Variants in OS9 observed in about 807,000 individuals in gnomAD.
OS9 encodes the protein protein OS-9.
In OS9, 58 loss-of-function variants were observed where a neutral mutation model predicts 84.7. The observed-to-expected ratio is 0.68, with a 90% CI of 0.55 to 0.85. The LOEUF (loss-of-function observed/expected upper bound fraction) is 0.85. Ranked by LOEUF, OS9 falls within the 40% of genes least tolerant of loss-of-function variation. OS9 has a pLI of 0.00. For synonymous variants in OS9, 278 were observed against 320.8 expected (o/e 0.87, Z 1.43); for missense variants, 760 against 850.9 (o/e 0.89, Z 1.33).
chr12:57,694,165 G>A lies in OS9; in HGVS notation c.4G>A (p.Ala2Thr). The change falls in exon 1 of 15, where the codon GCG (alanine) becomes ACG (threonine). Residue 2 changes from alanine to threonine, a missense_variant. Transcript: ENST00000315970. MAAETLLSSLLG... is the reference protein window; with the variant it reads MTAETLLSSLLG... ...TGCATAAGAAGGGGAACGAAAGATG[G>A]CGGCGGAAACGCTGCTGTCCAGTTT... 1.9e-6 allele frequency: 3 copies of A among 1,614,154 alleles called. No homozygotes were observed. Among genetic ancestry groups the A allele is most frequent in the East Asian group, 4.5e-5 (2 of 44,878 alleles).
Position 57,718,295 on chromosome 12 carries a change from T to G in OS9, c.1284T>G (p.Asp428Glu). The change falls in exon 11 of 15, where the codon GAT (aspartate) becomes GAG (glutamate). Residue 428 changes from aspartate to glutamate, a missense_variant. By Grantham distance (45) the Asp-to-Glu change is conservative. Transcript: ENST00000315970. ...DEDEDEDEDEDERQLLGEFEK... is the reference protein window; with the variant it reads ...DEDEDEDEDEEERQLLGEFEK... ...ATGAGGATGAGGATGAAGATGAGGA[T>G]GAACGGCAGTTACTGGGAGAATTTG... 6.2e-7 allele frequency: 1 copy of G among 1,614,062 alleles called. No individual in the cohort carries two copies. Among genetic ancestry groups the G allele is most frequent in the Non-Finnish European group, 8.5e-7 (1 of 1,179,974 alleles).
intron 5 of OS9, among the ~76,000 whole-genome samples, chr12:57,707,510 C>T (rs1954205326): frequency 6.6e-6 from 1 of 152,158 alleles, no homozygotes; most frequent in Non-Finnish European, 1.5e-5. Flanking sequence ...AACTCACTCA[C>T]TGTCACGAGA....
intron 5 of OS9, among the ~76,000 whole-genome samples, chr12:57,700,775 G>A (rs986044418): frequency 1.3e-5 from 2 of 151,030 alleles, no homozygotes; most frequent in Non-Finnish European, 3.0e-5. Context: ...GAAAAAGTGA[G>A]AAAAAAATGC....
chr12:57,704,835 T>C (rs1954121822), intron 5 of OS9, among the ~76,000 whole-genome samples: 1 of 152,228 alleles, frequency 6.6e-6, no homozygotes, highest in East Asian at 1.9e-4. Context: ...TCCTTTCCTA[T>C]TTACTATTCA....
In OS9 at chr12:57,716,682, C is replaced by T; in HGVS notation, c.994-11C>T. On this transcript the variant is annotated splice_polypyrimidine_tract_variant and intron_variant, in intron 8 of 14. Coordinates refer to ENST00000315970, the MANE Select transcript of OS9 (RefSeq NM_006812.4). ...CTTTCATACTTGACTCTCTCCTTTT[C>T]TCCTCGTCAGGAGCAGGACCCAAGC... 6.2e-7 allele frequency: 1 copy of T among 1,613,726 alleles called. No homozygotes were observed. The highest frequency in any genetic ancestry group is 8.5e-7 in the Non-Finnish European group (1 of 1,179,616).
intron 5 of OS9, among the ~76,000 whole-genome samples, chr12:57,705,512 A>G (rs1954140296): frequency 1.3e-5 from 2 of 152,100 alleles, no homozygotes. Flanking sequence ...TTTAAGTAGC[A>G]TCTTTTACAA....
rs373456865 is a variant in OS9 at position 57,701,986 on chromosome 12, G to A, written c.579+5613G>A. Among the ~76,000 whole-genome samples, 570 of 151,946 alleles carry A rather than the reference G, an allele frequency of 3.8e-3. 13 individuals are homozygous for A. In the South Asian group the frequency reaches 0.066, roughly 18 times the overall value. ...TAATTTTTGTATTTTTAGTGGAGAC[G>A]GGGTTTCACCATGTTGGCCAGGCTG... is the stretch of plus-strand genomic sequence containing the variant. On this transcript the variant is annotated intron_variant, in intron 5 of 14. Coordinates refer to ENST00000315970, the MANE Select transcript of OS9 (RefSeq NM_006812.4).
chr12:57,707,272 C>G (rs1173271768), intron 5 of OS9, among the ~76,000 whole-genome samples: 1 of 152,070 alleles, frequency 6.6e-6, no homozygotes, highest in East Asian at 1.9e-4. Context: ...TTAGTCCATT[C>G]TCACATTGTT....
chr12:57,701,075 T>C (rs545511610), intron 5 of OS9, among the ~76,000 whole-genome samples: 1 of 3,332 alleles, frequency 3.0e-4, no homozygotes, highest in Non-Finnish European at 0.013. Context: ...TTAGTCACTC[T>C]CCCTCCCGCC....
At chr12:57,697,920 C>CAGAACCTA (rs1565767072) in intron 5 of OS9, among the ~76,000 whole-genome samples, 6 of 81,064 alleles carry the variant, frequency 7.4e-5, no homozygotes, top group African/African-American at 9.1e-5. Context: ...CACACACACA[C>CAGAACCTA]ACATACACAC....
At chr12:57,708,419 G>A (rs993391983) in intron 5 of OS9, among the ~76,000 whole-genome samples, 5 of 152,028 alleles carry the variant, frequency 3.3e-5, no homozygotes, top group Non-Finnish European at 7.4e-5. Context: ...ATCGCTTGAG[G>A]CCAGTAGTTT....
chr12:57,709,523 T>C (rs1039366734), intron 5 of OS9, among the ~76,000 whole-genome samples: 2 of 152,216 alleles, frequency 1.3e-5, no homozygotes, highest in African/African-American at 4.8e-5. Context: ...GCTGAGACTT[T>C]CTTTTTGATG....
intron 4 of OS9, 41 bp from the exon 5 acceptor site, chr12:57,696,230 GCTAT>G (rs756984360): frequency 6.8e-7 from 1 of 1,474,304 alleles, no homozygotes. Flanking sequence ...CTTCCTCTTT[GCTAT>G]CTTTCTCATG....
In OS9 at chr12:57,696,128, G is replaced by A. The variant is rs1054591881; in HGVS notation, c.480+90G>A. 5 of 1,250,750 alleles carry A rather than the reference G, an allele frequency of 4.0e-6. No homozygotes were observed. The African/African-American group carries it at 7.4e-5, about 18-fold the overall frequency. 77.5% of individuals were successfully genotyped at this position (1,250,750 alleles called of 1,614,324 possible). On this transcript the variant is annotated intron_variant, in intron 4 of 14. Transcript: ENST00000315970. ...GGGGAGGGTCAAGATTAGCTGATCT[G>A]TTTCTTGGGGCTTGGTGGCCATTAG...
At position 57,721,004 on chromosome 12, in the gene OS9, A is replaced by C. The variant is rs893034055; in HGVS notation, c.*95A>C. ...CCCCACCCTGGAACCCCTGAGGGCC[A>C]AACAGCAGAGTGGAGCTGAGCTGTG... On this transcript the variant is annotated 3_prime_UTR_variant, in exon 15 of 15. Coordinates refer to ENST00000315970, the MANE Select transcript of OS9 (RefSeq NM_006812.4). 3.3e-5 allele frequency: 48 copies of C among 1,439,236 alleles called. No individual in the cohort carries two copies. In the Middle Eastern group the frequency reaches 7.0e-4, roughly 21 times the overall value. The allele number at this position is 1,439,236 out of a possible 1,614,324, so 89.2% of individuals were successfully genotyped here. A position where few individuals can be genotyped will look rare whatever the true frequency, so the allele number is the denominator to read the frequency against.
Position 57,716,089 on chromosome 12 carries a change from T to C in OS9, c.791-3T>C, listed in dbSNP as rs779862521. The C allele has an allele frequency of 6.2e-7, 1 of 1,612,280 alleles. No individual in the cohort carries two copies. Among genetic ancestry groups the C allele is most frequent in the Non-Finnish European group, 8.5e-7 (1 of 1,178,470 alleles). ...GGCCTGCTTGCATGCTGTTTCTCAG[T>C]AGACTCAAAGCAGTATGGAGATAAA... On this transcript the variant is annotated splice_polypyrimidine_tract_variant and splice_region_variant and intron_variant, in intron 6 of 14. Transcript: ENST00000315970.
chr12:57,709,710 A>AT (rs950691256), intron 5 of OS9, among the ~76,000 whole-genome samples: 1 of 152,090 alleles, frequency 6.6e-6, no homozygotes, highest in Non-Finnish European at 1.5e-5. Flanking sequence ...AATTTTGTTA[A>AT]TTTTTTATTT....
chr12:57,697,878 C>T (rs1658985113), intron 5 of OS9, among the ~76,000 whole-genome samples: 2 of 145,740 alleles, frequency 1.4e-5, no homozygotes, highest in South Asian at 4.3e-4. Context: ...CACACACACA[C>T]ACACACACAC....
chr12:57,717,522 G>T (rs1232846257), intron 9 of OS9, among the ~76,000 whole-genome samples: 1 of 152,154 alleles, frequency 6.6e-6, no homozygotes, highest in African/African-American at 2.4e-5. Context: ...GCCGGGCGTG[G>T]TGGCTCATGC....
Sources: allele counts gnomAD v4.1 joint callset (sites outside exome capture counted in the v4.1 genomes callset), GRCh38; gene constraint gnomAD v4.1.1; transcripts MANE v1.5; gene names NCBI Gene and HGNC (gene_info 2026-07-23, HGNC 2026-07-21).